The following NRG1 variants were observed in gnomAD, a reference collection of about 807,000 sequenced individuals.
NRG1 encodes neuregulin 1, also known as pro-neuregulin-1, membrane-bound isoform.
In NRG1, 18 loss-of-function variants were observed where a neutral mutation model predicts 63.8. The ratio of observed to expected loss-of-function variants is 0.28; its 90% CI spans 0.19 to 0.42. NRG1 has a LOEUF of 0.42. Among genes scored for constraint, NRG1 ranks in the 10% least tolerant of loss-of-function variants. NRG1 has a pLI of 1.00. For missense variants in NRG1, 762 were observed against 814.7 expected, an observed-to-expected ratio of 0.94 and a Z score of 0.79; for synonymous variants, 302 against 301.3, an observed-to-expected ratio of 1.00 and a Z score of -0.02.
chr8:32,142,873 G>A (rs899446844), intron 1 of NRG1, among the ~76,000 whole-genome samples: 4 of 152,144 alleles, frequency 2.6e-5, no homozygotes, highest in Non-Finnish European at 4.4e-5. Context: ...AAAAGAATAC[G>A]TGTTAGAATA....
chr8:32,347,937 G>A (rs1805124403), intron 1 of NRG1, among the ~76,000 whole-genome samples: 1 of 152,122 alleles, frequency 6.6e-6, no homozygotes, highest in Non-Finnish European at 1.5e-5. Context: ...AAAGGCCACG[G>A]GCACTCTCAC....
intron 1 of NRG1, among the ~76,000 whole-genome samples, chr8:32,134,826 G>C (rs894589549): frequency 6.6e-6 from 1 of 152,070 alleles, no homozygotes; most frequent in Non-Finnish European, 1.5e-5. Flanking sequence ...AGGATACAGT[G>C]AGCTATGATC....
At chr8:32,227,046 C>CT (rs1846398151) in intron 1 of NRG1, among the ~76,000 whole-genome samples, 1 of 152,164 alleles carries the variant, frequency 6.6e-6, no homozygotes. Flanking sequence ...GTGAGTATGT[C>CT]TGAGTATTTC....
intron 1 of NRG1, among the ~76,000 whole-genome samples, chr8:32,089,749 A>G (rs193194378): frequency 7.9e-4 from 120 of 152,358 alleles, no homozygotes; most frequent in Middle Eastern, 3.4e-3. Flanking sequence ...TTAATTGGTT[A>G]TAGGTGGGAG....
intron 1 of NRG1, among the ~76,000 whole-genome samples, chr8:31,699,131 A>G (rs2131177331): frequency 6.6e-6 from 1 of 152,324 alleles, no homozygotes; most frequent in African/African-American, 2.4e-5. Context: ...ATTTGCAAGC[A>G]GTTCTTCATT....
intron 1 of NRG1, among the ~76,000 whole-genome samples, chr8:32,147,023 T>C (rs975927022): frequency 6.6e-6 from 1 of 152,196 alleles, no homozygotes; most frequent in African/African-American, 2.4e-5. Context: ...TTAGAAGTAG[T>C]AAACATTAAT....
intron 1 of NRG1, among the ~76,000 whole-genome samples, chr8:32,309,937 C>T (rs949538331): frequency 2.0e-5 from 3 of 152,214 alleles, no homozygotes; most frequent in African/African-American, 7.2e-5. Flanking sequence ...TCCAGACAAG[C>T]ACAGAGAGAG....
At chr8:32,434,513 T>G (rs895324313) in intron 1 of NRG1, among the ~76,000 whole-genome samples, 3 of 152,180 alleles carry the variant, frequency 2.0e-5, no homozygotes, top group African/African-American at 7.2e-5. Flanking sequence ...AACTGAACTC[T>G]TAATGCCCCA....
chr8:32,549,375 T>C (rs1281769042), intron 1 of NRG1, among the ~76,000 whole-genome samples: 1 of 152,054 alleles, frequency 6.6e-6, no homozygotes, highest in African/African-American at 2.4e-5. Context: ...CGATGTAGAG[T>C]GCGCGCCGGT....
chr8:31,988,656 G>A (rs754824548), intron 1 of NRG1, among the ~76,000 whole-genome samples: 1 of 152,042 alleles, frequency 6.6e-6, no homozygotes, highest in Non-Finnish European at 1.5e-5. Context: ...GATATGAGGT[G>A]GAGAAGGTAA....
At chr8:32,222,495 A>AAAG (rs1845923478) in intron 1 of NRG1, among the ~76,000 whole-genome samples, 1 of 152,190 alleles carries the variant, frequency 6.6e-6, no homozygotes, top group African/African-American at 2.4e-5. Flanking sequence ...AAGAAAGAAA[A>AAAG]AAAGAAAGAA....
chr8:31,812,372 TC>T (rs906890888), intron 1 of NRG1, among the ~76,000 whole-genome samples: 1 of 152,138 alleles, frequency 6.6e-6, no homozygotes, highest in Non-Finnish European at 1.5e-5. Context: ...TCCATTAAAT[TC>T]CCAGGTGATG....
At chr8:31,644,062 T>G (rs1237175688) in intron 1 of NRG1, among the ~76,000 whole-genome samples, 1 of 152,222 alleles carries the variant, frequency 6.6e-6, no homozygotes, top group Non-Finnish European at 1.5e-5. Flanking sequence ...CACTATTTAA[T>G]AAAGTGTGCT....
intron 1 of NRG1, among the ~76,000 whole-genome samples, chr8:32,593,895 G>C (rs1842930579): frequency 6.7e-6 from 1 of 149,746 alleles, no homozygotes; most frequent in Non-Finnish European, 1.5e-5. Context: ...AAATATTCAG[G>C]TATCAAGGGC....
At position 32,175,592 on chromosome 8, in the gene NRG1, C is replaced by T. The variant is rs182840387; in HGVS notation, c.38-420236C>T. Among the ~76,000 whole-genome samples, 466 of 152,300 alleles carry T rather than the reference C, an allele frequency of 3.1e-3. 2 individuals carry two copies. Among genetic ancestry groups the T allele is most frequent in the African/African-American group, 0.011 (444 of 41,568 alleles). ...GTATATCTAGAAAACCCCATTGTCT[C>T]AGCCCAAAATCTCCTTAAGCTGATA... is the stretch of plus-strand genomic sequence containing the variant. On this transcript the variant is annotated intron_variant, in intron 1 of 10. Coordinates refer to the NRG1 transcript ENST00000519301.
chr8:32,704,177 C>G (rs1815716582), intron 5 of NRG1, among the ~76,000 whole-genome samples: 1 of 152,188 alleles, frequency 6.6e-6, no homozygotes, highest in South Asian at 2.1e-4. Flanking sequence ...TTCTTTCTAT[C>G]TCCCATCTCC....
intron 1 of NRG1, among the ~76,000 whole-genome samples, chr8:32,193,385 G>T (rs988892289): frequency 1.6e-4 from 25 of 151,730 alleles, no homozygotes; most frequent in African/African-American, 5.8e-4. Context: ...TAGGAAAATG[G>T]TTATTCCATC....
chr8:31,834,587 T>C (rs1825523271), intron 1 of NRG1, among the ~76,000 whole-genome samples: 1 of 152,160 alleles, frequency 6.6e-6, no homozygotes, highest in Non-Finnish European at 1.5e-5. Context: ...GGTGTATGCC[T>C]GCAGTCCCTG....
intron 1 of NRG1, among the ~76,000 whole-genome samples, chr8:31,939,939 A>G (rs1360845258): frequency 1.3e-5 from 2 of 152,262 alleles, no homozygotes; most frequent in Middle Eastern, 3.4e-3. Flanking sequence ...TAGACCTAAG[A>G]AATGAGATAG....
Sources: gnomAD v4.1 joint callset for allele counts (sites outside exome capture counted in the v4.1 genomes callset) on GRCh38, gnomAD v4.1.1 for gene constraint, MANE v1.5 for transcripts, NCBI Gene and HGNC (gene_info 2026-07-23, HGNC 2026-07-21) for gene names.